Variants in PDGFRA observed in about 807,000 individuals in gnomAD.
PDGFRA encodes platelet derived growth factor receptor alpha.
Under a neutral mutation model 121.5 loss-of-function variants are expected in PDGFRA, and 25 were observed. The observed-to-expected ratio is 0.21, with a 90% CI of 0.15 to 0.29. The LOEUF (loss-of-function observed/expected upper bound fraction) is 0.29, where lower values mean the gene tolerates loss of function less well. PDGFRA is among the 10% of genes least tolerant of loss of function. The pLI is 1.00. For synonymous variants in PDGFRA, 463 were observed against 494.8 expected, an observed-to-expected ratio of 0.94 and a Z score of 0.85; for missense variants, 1,008 against 1,345.1, an observed-to-expected ratio of 0.75 and a Z score of 3.92.
At chr4:54,279,780 C>G (rs541711439) in intron 15 of PDGFRA, among the ~76,000 whole-genome samples, 1 of 152,238 alleles carries the variant, frequency 6.6e-6, no homozygotes, top group South Asian at 2.1e-4. Context: ...TTAGCTCTCA[C>G]TTATGAGTGA....
chr4:54,287,110 C>A (rs1724400559), intron 18 of PDGFRA, among the ~76,000 whole-genome samples: 1 of 152,158 alleles, frequency 6.6e-6, no homozygotes, highest in East Asian at 1.9e-4. Flanking sequence ...CCAGGAATAT[C>A]TAAAAATAGG....
In PDGFRA at chr4:54,258,719, T is replaced by A; in HGVS notation, c.-12-38T>A. 2.3e-6 allele frequency: 3 copies of A among 1,295,030 alleles called. No individual in the cohort carries two copies. The South Asian group carries it at 3.5e-5, about 15-fold the overall frequency. The allele number at this position is 1,295,030 out of a possible 1,614,324, so 80.2% of individuals were successfully genotyped here. A position where few individuals can be genotyped will look rare whatever the true frequency, so the allele number is the denominator to read the frequency against. Reference sequence around the variant, plus strand: ...AACTAGGCTCCAGGGTTGTTTCTATTTGCTAATGCTGTTTCTGTTGACTTT... The same window carrying A: ...AACTAGGCTCCAGGGTTGTTTCTATATGCTAATGCTGTTTCTGTTGACTTT... On this transcript the variant is annotated intron_variant, in intron 1 of 22. Coordinates refer to ENST00000257290, the MANE Select transcript of PDGFRA (RefSeq NM_006206.6).
Position 54,261,187 on chromosome 4 carries a change from A to G in PDGFRA, c.142A>G (p.Arg48Gly). ...GCAGCTGAATTCATCCTTTTCTCTG[A>G]GATGCTTTGGGGAGAGTGAAGTGAG... ...VVQLNSSFSL[R>G]CFGESEVSWQ... The change falls in exon 3 of 23, where the codon AGA (arginine) becomes GGA (glycine). Residue 48 changes from arginine to glycine, a missense_variant. By Grantham distance (125) the Arg-to-Gly change is moderately radical (BLOSUM62 -2). Transcript: ENST00000257290. 6.2e-7 allele frequency: 1 copy of G among 1,614,126 alleles called. No individual in the cohort carries two copies. The highest frequency in any genetic ancestry group is 8.5e-7 in the Non-Finnish European group (1 of 1,179,984).
Position 54,278,509 on chromosome 4 carries a change from C to G in PDGFRA, c.2150C>G (p.Thr717Arg), listed in dbSNP as rs1553905051. 6.2e-7 allele frequency: 1 copy of G among 1,613,942 alleles called. No homozygotes were observed. Among genetic ancestry groups the G allele is most frequent in the Non-Finnish European group, 8.5e-7 (1 of 1,179,886 alleles). Residue 717 changes from threonine to arginine, a missense_variant, in exon 15 of 23, where the codon ACA becomes AGA. By Grantham distance (71) the Thr-to-Arg change is moderately conservative. This residue lies in a region of PDGFRA where 128 missense variants were observed against 147.6 expected (regional missense o/e 0.87). Transcript: ENST00000257290. Reference sequence around the variant, plus strand: ...GGATTGAACCCTGCTGATGAAAGCACACGGAGGTGGGTGCAAAGAGAGATG... The same window carrying G: ...GGATTGAACCCTGCTGATGAAAGCAGACGGAGGTGGGTGCAAAGAGAGATG... ...IFGLNPADES[T>R]RSYVILSFEN...
In PDGFRA at chr4:54,258,866, T is replaced by C. The variant is rs1722525837; in HGVS notation, c.49+49T>C. 8 of 1,503,416 alleles carry C rather than the reference T, an allele frequency of 5.3e-6. No homozygotes were observed. In the East Asian group the frequency reaches 1.6e-4, roughly 30 times the overall value. 93.1% of individuals were successfully genotyped at this position (1,503,416 alleles called of 1,614,324 possible). ...GTTCCTTGTTTGGGTGTCTTGTTTTTTTAAGCTTTGTGCTGCATGGGTTTA... is the reference window on the plus strand; with the variant it reads ...GTTCCTTGTTTGGGTGTCTTGTTTTCTTAAGCTTTGTGCTGCATGGGTTTA... On this transcript the variant is annotated intron_variant, in intron 2 of 22. Transcript: ENST00000257290.
At chr4:54,247,708 G>A (rs888110465) in intron 1 of PDGFRA, among the ~76,000 whole-genome samples, 8 of 152,278 alleles carry the variant, frequency 5.3e-5, no homozygotes, top group African/African-American at 1.9e-4. Flanking sequence ...CATAGTGTTG[G>A]ACGTTCTGGC....
rs377435947 is a variant in PDGFRA at position 54,288,982 on chromosome 4, G to A, written c.2775-27G>A. 7.1e-6 allele frequency: 11 copies of A among 1,540,758 alleles called. No homozygotes were observed. In the African/African-American group the frequency reaches 1.5e-4, roughly 21 times the overall value. On this transcript the variant is annotated intron_variant, in intron 20 of 22. Transcript: ENST00000257290. ...GAGGGGCCCTGAGACTTCCCCCTGT[G>A]CCCACTCTTGAGTTCTGTCCCCACA... is the stretch of plus-strand genomic sequence containing the variant.
In PDGFRA at chr4:54,298,171, C is replaced by G. The variant is rs1490215408; in HGVS notation, c.*2899C>G. 5 of 209,092 alleles carry G rather than the reference C, an allele frequency of 2.4e-5. No homozygotes were observed. The East Asian group carries it at 3.6e-4, about 15-fold the overall frequency. The allele number at this position is 209,092 out of a possible 1,614,324, so 13.0% of individuals were successfully genotyped here. On this transcript the variant is annotated 3_prime_UTR_variant, in exon 23 of 23. Transcript: ENST00000257290. Reference sequence around the variant, plus strand: ...AATACAAAATGTATTACGAATGCCCCTGTTCATGTTTTTGTTTTAAAACGT... The same window carrying G: ...AATACAAAATGTATTACGAATGCCCGTGTTCATGTTTTTGTTTTAAAACGT...
intron 9 of PDGFRA, 32 bp from the exon 10 acceptor site, chr4:54,273,505 T>C (rs967086948): frequency 1.3e-6 from 2 of 1,561,218 alleles, no homozygotes; most frequent in Non-Finnish European, 1.8e-6. Context: ...TCTCAGGAAT[T>C]GGCCCTATAC....
chr4:54,268,029 A>G (rs150540571), intron 7 of PDGFRA, among the ~76,000 whole-genome samples: 1 of 152,288 alleles, frequency 6.6e-6, no homozygotes, highest in African/African-American at 2.4e-5. Flanking sequence ...GTAAAATTGG[A>G]CTCACCAGGA....
rs1560467550 is a variant in PDGFRA, at chr4:54,261,914, TATATATATATATATA to T, written c.367+503_367+517del. Among the ~76,000 whole-genome samples, 6 of 60,622 alleles carry T rather than the reference TATATATATATATATA, an allele frequency of 9.9e-5. No individual in the cohort carries two copies. The South Asian group carries it at 3.7e-3, about 37-fold the overall frequency. The allele number at this position is 60,622 out of a possible 152,430, so 39.8% of individuals were successfully genotyped here. A position where few individuals can be genotyped will look rare whatever the true frequency, so the allele number is the denominator to read the frequency against. On this transcript the variant is annotated intron_variant, in intron 3 of 22. Coordinates refer to ENST00000257290, the MANE Select transcript of PDGFRA (RefSeq NM_006206.6). ...AAAAAGTTACATATATATATATATATATATATATATATATATATTTTTTTTTTTTTTGGTAACAGG... is the reference window on the plus strand; with the variant it reads ...AAAAAGTTACATATATATATATATATTATTTTTTTTTTTTTTGGTAACAGG...
rs1289961149 is a variant in PDGFRA at position 54,273,748 on chromosome 4, C to T, written c.1558+18C>T. The stretch of plus-strand genomic sequence containing the variant: ...GGCTCCCAGTGAGTTCCTCAACAGT[C>T]AGGACAACTCATCAGCTGAGCCGCA... On this transcript the variant is annotated intron_variant, in intron 10 of 22. Coordinates refer to ENST00000257290, the MANE Select transcript of PDGFRA (RefSeq NM_006206.6). 7 of 1,602,908 alleles carry T rather than the reference C, an allele frequency of 4.4e-6. No individual in the cohort carries two copies. Among genetic ancestry groups the T allele is most frequent in the Non-Finnish European group, 6.0e-6 (7 of 1,172,518 alleles).
Position 54,295,662 on chromosome 4 carries a change from G to T in PDGFRA, c.*390G>T, listed in dbSNP as rs1724848671. The T allele has an allele frequency of 2.9e-6, 1 of 344,208 alleles. No homozygotes were observed. The highest frequency in any genetic ancestry group is 5.4e-6 in the Non-Finnish European group (1 of 184,282). 21.3% of individuals were successfully genotyped at this position (344,208 alleles called of 1,614,324 possible). A position where few individuals can be genotyped will look rare whatever the true frequency, so the allele number is the denominator to read the frequency against. On this transcript the variant is annotated 3_prime_UTR_variant, in exon 23 of 23. Coordinates refer to ENST00000257290, the MANE Select transcript of PDGFRA (RefSeq NM_006206.6). ...CTCTAACCAAGGCTGTGTTTAGATT[G>T]TATTAACTATCTTCTTTGGACTTCT...
chr4:54,253,666 G>T (rs1722190185), intron 1 of PDGFRA, among the ~76,000 whole-genome samples: 2 of 152,086 alleles, frequency 1.3e-5, no homozygotes, highest in Non-Finnish European at 2.9e-5. Context: ...CTGTAAAGGG[G>T]TTGTTATCCC....
rs77568130 is a variant in PDGFRA at position 54,294,286 on chromosome 4, A to C, written c.3123-839A>C. 6.3e-3 allele frequency among the ~76,000 whole-genome samples: 956 copies of C among 152,164 alleles called. 8 individuals carry two copies. The highest frequency in any genetic ancestry group is 8.7e-3 in the Non-Finnish European group (592 of 68,000). ...CAGTGAATCTAGGGCTCTCTGTCTC[A>C]GATCCTTTCTCAATTTGGTTACTTT... On this transcript the variant is annotated intron_variant, in intron 22 of 22. Coordinates refer to ENST00000257290, the MANE Select transcript of PDGFRA (RefSeq NM_006206.6).
At chr4:54,260,541 A>C (rs1162631799) in intron 2 of PDGFRA, among the ~76,000 whole-genome samples, 2 of 151,556 alleles carry the variant, frequency 1.3e-5, no homozygotes, top group Non-Finnish European at 2.9e-5. Flanking sequence ...CTAGGACTAC[A>C]GGTGTACACC....
At position 54,290,367 on chromosome 4, in the gene PDGFRA, C is replaced by T. The variant is rs587778597; in HGVS notation, c.2935C>T (p.Arg979Cys). Reference protein sequence around the residue: ...FLKSDHPAVARMRVDSDNAYI... With the variant: ...FLKSDHPAVACMRVDSDNAYI... Reference sequence around the variant, plus strand: ...GAAGAGTGACCATCCTGCTGTGGCACGCATGCGTGTGGACTCAGACAATGC... The same window carrying T: ...GAAGAGTGACCATCCTGCTGTGGCATGCATGCGTGTGGACTCAGACAATGC... The change falls in exon 22 of 23, where the codon CGC becomes TGC. Residue 979 changes from arginine to cysteine, a missense_variant. By Grantham distance (180) the Arg-to-Cys change is radical (BLOSUM62 -3). Coordinates refer to ENST00000257290, the MANE Select transcript of PDGFRA (RefSeq NM_006206.6). 196 of 1,611,800 alleles carry T rather than the reference C, an allele frequency of 1.2e-4. No individual in the cohort carries two copies. The highest frequency in any genetic ancestry group is 1.6e-4 in the Middle Eastern group (1 of 6,080).
chr4:54,233,275 G>T (rs1720800888), intron 1 of PDGFRA, among the ~76,000 whole-genome samples: 1 of 152,354 alleles, frequency 6.6e-6, no homozygotes, highest in Admixed American at 6.5e-5. Flanking sequence ...GTGGGAGGGA[G>T]AGCGGACCGC....
intron 12 of PDGFRA, among the ~76,000 whole-genome samples, chr4:54,275,917 A>C (rs1443412728): frequency 6.6e-6 from 1 of 152,246 alleles, no homozygotes; most frequent in Non-Finnish European, 1.5e-5. Flanking sequence ...AAAAAAAGAC[A>C]ATAATAGCCC....
Sources: allele counts gnomAD v4.1 joint callset (sites outside exome capture counted in the v4.1 genomes callset), GRCh38; gene constraint gnomAD v4.1.1; regional missense constraint gnomAD v4.1.1; transcripts MANE v1.5; gene names NCBI Gene and HGNC (gene_info 2026-07-23, HGNC 2026-07-21).